The following SHPRH variants were observed in gnomAD, a reference collection of about 807,000 sequenced individuals.
SHPRH encodes the protein E3 ubiquitin-protein ligase SHPRH.
SHPRH carries 106 observed loss-of-function variants against 202.5 expected under a neutral mutation model. The ratio of observed to expected loss-of-function variants is 0.52; its 90% CI spans 0.45 to 0.62. The LOEUF is 0.62. Among genes scored for constraint, SHPRH ranks in the 20% least tolerant of loss-of-function variants. SHPRH has a pLI of 0.00. For missense variants in SHPRH, 1,710 were observed against 2,020.0 expected (o/e 0.85, Z 2.94); for synonymous variants, 729 against 686.0 (o/e 1.06, Z -0.98).
chr6:145,948,299 T>C lies in SHPRH; in HGVS notation c.1034A>G (p.Lys345Arg). 1 of 1,604,200 alleles carries C rather than the reference T, an allele frequency of 6.2e-7. No individual in the cohort carries two copies. Among genetic ancestry groups the C allele is most frequent in the South Asian group, 1.1e-5 (1 of 88,582 alleles). Reference sequence around the variant, plus strand: ...GCCTGTATATGGATTATAGTAGAGTTTCAGACCCTCAGATGTAACAATCTC... The same window carrying C: ...GCCTGTATATGGATTATAGTAGAGTCTCAGACCCTCAGATGTAACAATCTC... ...WREIVTSEGLKLYYNPYTGCI... is the reference protein window; with the variant it reads ...WREIVTSEGLRLYYNPYTGCI... Residue 345 changes from lysine to arginine, a missense_variant, in exon 5 of 30, where the codon AAA becomes AGA. By Grantham distance (26) the Lys-to-Arg change is conservative. This residue lies in a region of SHPRH where 459 missense variants were observed against 426.5 expected (regional missense o/e 1.08). Coordinates refer to ENST00000275233, the MANE Select transcript of SHPRH (RefSeq NM_001042683.3).
At chr6:145,899,741 T>C (rs1009612670) in intron 25 of SHPRH, among the ~76,000 whole-genome samples, 14 of 151,970 alleles carry the variant, frequency 9.2e-5, no homozygotes, top group African/African-American at 3.4e-4. Flanking sequence ...GGAGAAAATA[T>C]CTGCAAACCA....
At chr6:145,893,928 A>G (rs1348991856) in intron 27 of SHPRH, among the ~76,000 whole-genome samples, 1 of 152,000 alleles carries the variant, frequency 6.6e-6, no homozygotes. Flanking sequence ...AAAAAAAAAG[A>G]ACCTCAAGTT....
At position 145,910,574 on chromosome 6, in the gene SHPRH, T is replaced by C. The variant is rs778844325; in HGVS notation, c.4389A>G (p.Gln1463=). The change falls in exon 25 of 30, where the codon CAA becomes CAG. Residue 1463 remains glutamine (Q), a synonymous_variant. Coordinates refer to ENST00000275233, the MANE Select transcript of SHPRH (RefSeq NM_001042683.3). The part of the protein sequence containing the change: ...CNECISIIIE[Q]YSVGSHRSSI... ...AGCTTCTGTGAGATCCCACGCTGTA[T>C]TGTTCAATAATTATAGAAATGCATT... is the stretch of plus-strand genomic sequence containing the variant. 2.5e-6 allele frequency: 4 copies of C among 1,612,886 alleles called. No homozygotes were observed. The African/African-American group carries it at 4.0e-5, about 16-fold the overall frequency.
At chr6:145,934,269 C>T (rs952852635) in intron 13 of SHPRH, among the ~76,000 whole-genome samples, 2 of 151,874 alleles carry the variant, frequency 1.3e-5, no homozygotes, top group Non-Finnish European at 2.9e-5. Context: ...GAGTTCAAGA[C>T]CAGCCTGACC....
intron 22 of SHPRH, 74 bp downstream of exon 22, chr6:145,919,274 G>A (rs1784218299): frequency 1.2e-5 from 19 of 1,573,062 alleles, no homozygotes; most frequent in Middle Eastern, 1.7e-4. Flanking sequence ...CCCTGATTCT[G>A]CCTTTTCTAT....
intron 1 of SHPRH, among the ~76,000 whole-genome samples, chr6:145,962,500 G>A (rs542338176): frequency 6.6e-6 from 1 of 152,296 alleles, no homozygotes; most frequent in African/African-American, 2.4e-5. Flanking sequence ...GAACGAGGCA[G>A]GGAAAACTGC....
chr6:145,914,147 T>A (rs936580122), intron 23 of SHPRH, among the ~76,000 whole-genome samples: 3 of 152,104 alleles, frequency 2.0e-5, no homozygotes, highest in Non-Finnish European at 4.4e-5. Flanking sequence ...ACAGGTGATT[T>A]GGGGATGGGC....
chr6:145,899,922 C>A lies in SHPRH; in HGVS notation c.4516-4945G>T, dbSNP rs1583331742. On this transcript the variant is annotated intron_variant, in intron 25 of 29. Coordinates refer to ENST00000275233, the MANE Select transcript of SHPRH (RefSeq NM_001042683.3). Reference sequence around the variant, plus strand: ...AAAGGTGCTCAACGACCCTAATCATCAGGGAAATACAAATTAAAACCACAC... The same window carrying A: ...AAAGGTGCTCAACGACCCTAATCATAAGGGAAATACAAATTAAAACCACAC... 2.0e-5 allele frequency among the ~76,000 whole-genome samples: 3 copies of A among 152,048 alleles called. No homozygotes were observed. In the East Asian group the frequency reaches 5.8e-4, roughly 29 times the overall value.
chr6:145,905,013 T>G (rs941310348), intron 25 of SHPRH: 1 of 152,130 alleles, frequency 6.6e-6, no homozygotes, highest in African/African-American at 2.4e-5. Flanking sequence ...TTGGATTTGA[T>G]GGGCTCAATG....
At chr6:145,866,316 C>A (rs1471450259) in intron 2 of SHPRH, among the ~76,000 whole-genome samples, 2 of 152,136 alleles carry the variant, frequency 1.3e-5, no homozygotes, top group Non-Finnish European at 2.9e-5. Flanking sequence ...ACACTTTAAC[C>A]TTTTTCTGAA....
intron 22 of SHPRH, chr6:145,918,756 C>T (rs2128746501): frequency 6.6e-6 from 1 of 152,474 alleles, no homozygotes; most frequent in East Asian, 1.9e-4. Context: ...CTACATTTTT[C>T]CAAGTTACAG....
At chr6:145,867,712 C>T (rs1035102164) in intron 2 of SHPRH, among the ~76,000 whole-genome samples, 65 of 140,826 alleles carry the variant, frequency 4.6e-4, no homozygotes, top group Non-Finnish European at 1.8e-4. Flanking sequence ...AGAAAAGGCA[C>T]TATAACCACA....
At chr6:145,897,327 G>C (rs1008336204) in intron 25 of SHPRH, among the ~76,000 whole-genome samples, 7 of 151,918 alleles carry the variant, frequency 4.6e-5, no homozygotes, top group Non-Finnish European at 8.8e-5. Context: ...AATCTACCAA[G>C]ACTGAATCAC....
intron 11 of SHPRH, among the ~76,000 whole-genome samples, chr6:145,936,855 T>A (rs1180471215): frequency 6.6e-6 from 1 of 152,124 alleles, no homozygotes; most frequent in Non-Finnish European, 1.5e-5. Flanking sequence ...GTCCACAGAT[T>A]TATATTTTTA....
rs1216944380 is a variant in SHPRH at position 145,937,436 on chromosome 6, CA to C, written c.2570-1996del. On this transcript the variant is annotated intron_variant, in intron 11 of 29. Transcript: ENST00000275233. ...TCTTTAGGACAAACCTAGTCCAAATCAAAAGTGCCAGCACCACTTGCCTAGA... is the reference window on the plus strand; with the variant it reads ...TCTTTAGGACAAACCTAGTCCAAATCAAAGTGCCAGCACCACTTGCCTAGA... Among the ~76,000 whole-genome samples the C allele has an allele frequency of 2.6e-5, 4 of 152,252 alleles. No individual in the cohort carries two copies. The East Asian group carries it at 7.7e-4, about 29-fold the overall frequency.
intron 2 of SHPRH, among the ~76,000 whole-genome samples, chr6:145,867,670 AGAGGT>A: frequency 7.4e-6 from 1 of 134,880 alleles, no homozygotes; most frequent in East Asian, 2.2e-4. Flanking sequence ...AGAGAGAGAG[AGAGGT>A]GAAGGAAGAT....
At chr6:145,932,965 C>T in intron 14 of SHPRH, 92 bp downstream of exon 14, 1 of 1,178,176 alleles carries the variant, frequency 8.5e-7, no homozygotes, top group Non-Finnish European at 1.1e-6. Context: ...GGGGAAAAAT[C>T]CCCCCCCCAA....
chr6:145,919,458 GAT>G lies in SHPRH; in HGVS notation c.4040_4041del (p.Asn1347ThrfsTer6). ...GCAAGTTCATCAACAGCAGACACAC[GAT>G]TCCTCAGAGCCATCCAATATTCATG... ...LLHEYWMALR[N>X]RVSAVDELAM... On this transcript the variant is annotated frameshift_variant, in exon 22 of 30. Coordinates refer to ENST00000275233, the MANE Select transcript of SHPRH (RefSeq NM_001042683.3). LOFTEE classifies it high-confidence loss of function. 1 of 1,612,930 alleles carries G rather than the reference GAT, an allele frequency of 6.2e-7. No individual in the cohort carries two copies. Among genetic ancestry groups the G allele is most frequent in the Non-Finnish European group, 8.5e-7 (1 of 1,179,312 alleles).
At chr6:145,947,284 G>A (rs1251279276) in intron 6 of SHPRH, among the ~76,000 whole-genome samples, 1 of 151,974 alleles carries the variant, frequency 6.6e-6, no homozygotes, top group Non-Finnish European at 1.5e-5. Flanking sequence ...TCTCTTCCTA[G>A]TTGGCCAACA....
Sources: allele counts gnomAD v4.1 joint callset (sites outside exome capture counted in the v4.1 genomes callset), GRCh38; gene constraint gnomAD v4.1.1; regional missense constraint gnomAD v4.1.1; transcripts MANE v1.5; gene names NCBI Gene and HGNC (gene_info 2026-07-23, HGNC 2026-07-21).